The following TDP1 variants were observed in gnomAD, a reference collection of about 807,000 sequenced individuals.
The protein encoded by TDP1 is tyrosyl-DNA phosphodiesterase 1.
A neutral mutation model predicts 81.5 loss-of-function variants in TDP1; 64 were observed. The ratio of observed to expected loss-of-function variants is 0.79; its 90% CI spans 0.64 to 0.97. The LOEUF is 0.97. Ranked by LOEUF, TDP1 falls within the 50% of genes least tolerant of loss-of-function variation. The probability of loss-of-function intolerance (pLI) is 0.00; values close to 1 mark genes in which losing one functional copy is unlikely to be tolerated. For synonymous variants in TDP1, 256 were observed against 264.3 expected (o/e 0.97, Z 0.30); for missense variants, 723 against 743.8 (o/e 0.97, Z 0.33).
At chr14:89,957,030 A>G (rs1241987660) in intron 2 of TDP1, 1 of 152,204 alleles carries the variant, frequency 6.6e-6, no homozygotes, top group Non-Finnish European at 1.5e-5. Flanking sequence ...TGCCTTGCCT[A>G]AGTCCTTTCT....
chr14:90,024,246 T>C (rs1886402589), intron 15 of TDP1, among the ~76,000 whole-genome samples: 2 of 152,192 alleles, frequency 1.3e-5, no homozygotes, highest in African/African-American at 4.8e-5. Context: ...AACTCATGGC[T>C]CTCACTACGA....
At chr14:89,991,142 C>G (rs1166172517) in intron 12 of TDP1, among the ~76,000 whole-genome samples, 1 of 152,020 alleles carries the variant, frequency 6.6e-6, no homozygotes, top group Non-Finnish European at 1.5e-5. Flanking sequence ...TCCCCAAGTC[C>G]CACGGTCTTG....
At position 90,043,091 on chromosome 14, in the gene TDP1, T is replaced by A; in HGVS notation, c.1775T>A (p.Ile592Asn). The A allele has an allele frequency of 6.2e-7, 1 of 1,614,190 alleles. No individual in the cohort carries two copies. Among genetic ancestry groups the A allele is most frequent in the Non-Finnish European group, 8.5e-7 (1 of 1,180,032 alleles). ...GSKDRPWIWN[I>N]PYVKAPDTHG... is the part of the protein sequence containing the mutation. ...CCAGATCGGCCATGGATATGGAACA[T>A]TCCTTATGTCAAAGCACCGGATACG... The change falls in exon 17 of 17, where the codon ATT becomes AAT. Residue 592 changes from isoleucine to asparagine, a missense_variant. Physicochemically the swap from Ile to Asn is moderately radical, Grantham distance 149. Coordinates refer to ENST00000335725, the MANE Select transcript of TDP1 (RefSeq NM_018319.4).
At chr14:89,962,085 A>G (rs1482369708) in intron 2 of TDP1, among the ~76,000 whole-genome samples, 1 of 152,236 alleles carries the variant, frequency 6.6e-6, no homozygotes, top group East Asian at 1.9e-4. Flanking sequence ...TTCTCAGAAC[A>G]AGAAAGTAGA....
At chr14:89,959,290 C>T (rs1254273961) in intron 2 of TDP1, among the ~76,000 whole-genome samples, 2 of 152,230 alleles carry the variant, frequency 1.3e-5, no homozygotes, top group Non-Finnish European at 2.9e-5. Flanking sequence ...TGAAGGAAAG[C>T]TCTCAGGTTC....
Position 90,013,212 on chromosome 14 carries a change from A to AAGG in TDP1, c.1542-6103_1542-6101dup, listed in dbSNP as rs1318306203. On this transcript the variant is annotated intron_variant, in intron 14 of 16. Coordinates refer to ENST00000335725, the MANE Select transcript of TDP1 (RefSeq NM_018319.4). The stretch of plus-strand genomic sequence containing the variant: ...GTTAAGACTTTGGGAGGCTGTTGGG[A>AAGG]AGGCATGATTGGTTTTGAAATGTGA... Among the ~76,000 whole-genome samples the AAGG allele has an allele frequency of 2.6e-5, 4 of 152,296 alleles. No homozygotes were observed. The East Asian group carries it at 5.8e-4, about 22-fold the overall frequency.
rs1888562393 is a variant in TDP1 at position 90,043,554 on chromosome 14, C to T, written c.*411C>T. The T allele has an allele frequency of 3.9e-6, 1 of 255,870 alleles. No individual in the cohort carries two copies. 15.8% of individuals were successfully genotyped at this position (255,870 alleles called of 1,614,324 possible). A position where few individuals can be genotyped will look rare whatever the true frequency, so the allele number is the denominator to read the frequency against. ...AAATTCATTTATGTTTCATATACACCTTATATACAATAACCTAAAGGTGAT... is the reference window on the plus strand; with the variant it reads ...AAATTCATTTATGTTTCATATACACTTTATATACAATAACCTAAAGGTGAT... On this transcript the variant is annotated 3_prime_UTR_variant, in exon 17 of 17. Coordinates refer to ENST00000335725, the MANE Select transcript of TDP1 (RefSeq NM_018319.4).
chr14:90,032,948 G>GT (rs1887448948), intron 15 of TDP1, 158 bp from the exon 16 acceptor site: 1 of 777,778 alleles, frequency 1.3e-6, no homozygotes, highest in Non-Finnish European at 1.6e-6. Context: ...CGGGGGGGTT[G>GT]TAAATATATT....
intron 15 of TDP1, among the ~76,000 whole-genome samples, chr14:90,020,147 C>G (rs1485200038): frequency 3.3e-5 from 5 of 152,126 alleles, no homozygotes; most frequent in Non-Finnish European, 4.4e-5. Flanking sequence ...GAAGGAGTGG[C>G]TTGCACATAG....
intron 15 of TDP1, among the ~76,000 whole-genome samples, chr14:90,024,800 A>G (rs1307612188): frequency 1.3e-5 from 2 of 152,236 alleles, no homozygotes; most frequent in Non-Finnish European, 2.9e-5. Context: ...AATGCAGTTT[A>G]TCATAAAATG....
chr14:89,976,219 C>T (rs1894296523), intron 7 of TDP1, among the ~76,000 whole-genome samples: 1 of 152,042 alleles, frequency 6.6e-6, no homozygotes, highest in Admixed American at 6.6e-5. Flanking sequence ...AATCCTCCCA[C>T]CTCAGCCTCC....
intron 16 of TDP1, among the ~76,000 whole-genome samples, chr14:90,040,861 C>T (rs150472322): frequency 9.5e-4 from 145 of 152,320 alleles, no homozygotes; most frequent in African/African-American, 3.3e-3. Flanking sequence ...CAGCTATAGA[C>T]ATTCTACTCA....
chr14:89,960,661 G>GT (rs1892221058), intron 2 of TDP1, among the ~76,000 whole-genome samples: 1 of 152,214 alleles, frequency 6.6e-6, no homozygotes, highest in Non-Finnish European at 1.5e-5. Context: ...CTGTGAGATA[G>GT]TGTGTTCATG....
rs1288629407 is a variant in TDP1 at position 89,980,531 on chromosome 14, T to G, written c.792-9T>G. ...ATTAATGCTTTTTGATCCTTTGCTGTTTTTAAAGGAAAATGATGCTGCTGC... is the reference window on the plus strand; with the variant it reads ...ATTAATGCTTTTTGATCCTTTGCTGGTTTTAAAGGAAAATGATGCTGCTGC... On this transcript the variant is annotated splice_polypyrimidine_tract_variant and intron_variant, in intron 7 of 16. Coordinates refer to ENST00000335725, the MANE Select transcript of TDP1 (RefSeq NM_018319.4). 5 of 1,612,116 alleles carry G rather than the reference T, an allele frequency of 3.1e-6. No homozygotes were observed. In the African/African-American group the frequency reaches 6.7e-5, roughly 22 times the overall value.
chr14:90,036,121 T>C (rs1159549861), intron 16 of TDP1, among the ~76,000 whole-genome samples: 3 of 152,300 alleles, frequency 2.0e-5, no homozygotes, highest in Non-Finnish European at 2.9e-5. Flanking sequence ...TTTTGAAAGA[T>C]ACATATAATC....
chr14:89,991,079 T>C (rs1276318756), intron 12 of TDP1, among the ~76,000 whole-genome samples: 1 of 152,162 alleles, frequency 6.6e-6, no homozygotes, highest in Non-Finnish European at 1.5e-5. Flanking sequence ...TGTTTGGAAA[T>C]AGTGTGTAAA....
chr14:90,023,550 T>C (rs1566919829), intron 15 of TDP1, among the ~76,000 whole-genome samples: 1 of 152,228 alleles, frequency 6.6e-6, no homozygotes, highest in Non-Finnish European at 1.5e-5. Context: ...TTATGATTTA[T>C]ACTATTTAAA....
Position 89,971,511 on chromosome 14 carries a change from T to C in TDP1, c.756+240T>C, listed in dbSNP as rs183274744. On this transcript the variant is annotated intron_variant, in intron 6 of 16. Transcript: ENST00000335725. The stretch of plus-strand genomic sequence containing the variant: ...AAGTCTTCTTACTAATTTCTACTCA[T>C]TGGTCTTAATTTTCCCCTTCTGGAG... Among the ~76,000 whole-genome samples the C allele has an allele frequency of 1.9e-3, 291 of 152,322 alleles. 2 individuals are homozygous for C. Among genetic ancestry groups the C allele is most frequent in the Admixed American group, 3.5e-3 (53 of 15,300 alleles).
chr14:89,999,916 G>A (rs1230494086), intron 14 of TDP1, among the ~76,000 whole-genome samples: 1 of 152,156 alleles, frequency 6.6e-6, no homozygotes, highest in Non-Finnish European at 1.5e-5. Context: ...ACTATAAGGG[G>A]GCTTAAAACA....
Sources: gnomAD v4.1 joint callset for allele counts (sites outside exome capture counted in the v4.1 genomes callset) on GRCh38, gnomAD v4.1.1 for gene constraint, MANE v1.5 for transcripts, NCBI Gene and HGNC (gene_info 2026-07-23, HGNC 2026-07-21) for gene names.